The following CNTNAP5 variants were observed in gnomAD, a reference collection of about 807,000 sequenced individuals.
CNTNAP5 encodes the protein contactin-associated protein-like 5.
Under a neutral mutation model 150.2 loss-of-function variants are expected in CNTNAP5, and 72 were observed. The observed-to-expected ratio is 0.48, with a 90% CI of 0.40 to 0.58. The LOEUF (loss-of-function observed/expected upper bound fraction) is 0.58, where lower values mean the gene tolerates loss of function less well. Among genes scored for constraint, CNTNAP5 ranks in the 20% least tolerant of loss-of-function variants. CNTNAP5 has a pLI of 0.00. For synonymous variants in CNTNAP5, 672 were observed against 619.8 expected (o/e 1.08, Z -1.25); for missense variants, 1,636 against 1,626.2 (o/e 1.01, Z -0.10).
chr2:124,794,423 C>A (rs1307883500), intron 18 of CNTNAP5, among the ~76,000 whole-genome samples: 2 of 152,184 alleles, frequency 1.3e-5, no homozygotes, highest in Non-Finnish European at 2.9e-5. Context: ...TGTAAAGTCT[C>A]ACTAAATGCT....
chr2:124,802,850 C>T (rs923744620), intron 19 of CNTNAP5, among the ~76,000 whole-genome samples: 2 of 152,106 alleles, frequency 1.3e-5, no homozygotes, highest in Non-Finnish European at 2.9e-5. Flanking sequence ...ACTGGCCAGG[C>T]GCGGTGGCTC....
chr2:124,889,320 A>G (rs903327214), intron 21 of CNTNAP5, among the ~76,000 whole-genome samples: 2 of 151,644 alleles, frequency 1.3e-5, no homozygotes, highest in African/African-American at 4.8e-5. Context: ...CCAACTCCTG[A>G]CCTCAAGTTA....
Position 124,092,428 on chromosome 2 carries a change from C to T in CNTNAP5, c.82+66696C>T, listed in dbSNP as rs534962012. Among the ~76,000 whole-genome samples the T allele has an allele frequency of 2.0e-5, 3 of 152,284 alleles. 1 individual carries two copies. In the South Asian group the frequency reaches 6.2e-4, roughly 32 times the overall value. On this transcript the variant is annotated intron_variant, in intron 1 of 23. Transcript: ENST00000682447. ...CTTTAAAAGAGTAAACAAACATTCT[C>T]AGCCCGCAGGCTGTACACATATAGT...
At chr2:124,349,874 CTTTTTTT>C (rs70996061) in intron 3 of CNTNAP5, among the ~76,000 whole-genome samples, 9 of 81,826 alleles carry the variant, frequency 1.1e-4, no homozygotes, top group East Asian at 4.1e-4. Context: ...CTGGCTATTT[CTTTTTTT>C]TTTTTTTTTT....
At chr2:124,292,981 A>T (rs1438493838) in intron 3 of CNTNAP5, among the ~76,000 whole-genome samples, 2 of 152,090 alleles carry the variant, frequency 1.3e-5, no homozygotes, top group Non-Finnish European at 2.9e-5. Flanking sequence ...ATGAGGTAGT[A>T]GAGACAGAGC....
intron 1 of CNTNAP5, among the ~76,000 whole-genome samples, chr2:124,124,582 A>G (rs12465296): frequency 0.97 from 147,233 of 152,180 alleles, 71,373 homozygotes; most frequent in East Asian, 1. Context: ...GATACTCCTC[A>G]AGAAGAGCAA....
At chr2:124,148,112 C>G (rs1313752767) in intron 1 of CNTNAP5, among the ~76,000 whole-genome samples, 1 of 152,016 alleles carries the variant, frequency 6.6e-6, no homozygotes, top group Admixed American at 6.6e-5. Flanking sequence ...GGCTTATAAG[C>G]TACTTTATTA....
intron 3 of CNTNAP5, among the ~76,000 whole-genome samples, chr2:124,400,210 A>C (rs1691370471): frequency 6.6e-6 from 1 of 151,714 alleles, no homozygotes; most frequent in African/African-American, 2.4e-5. Flanking sequence ...TTAGGAGAAG[A>C]CTCTGCTCTC....
intron 11 of CNTNAP5, among the ~76,000 whole-genome samples, chr2:124,574,264 A>C (rs1696227390): frequency 6.6e-6 from 1 of 152,182 alleles, no homozygotes. Context: ...CAAGTCACTT[A>C]CTTTTTGTGA....
At chr2:124,809,953 G>A (rs1483777090) in intron 19 of CNTNAP5, among the ~76,000 whole-genome samples, 2 of 152,104 alleles carry the variant, frequency 1.3e-5, no homozygotes, top group African/African-American at 4.8e-5. Context: ...AGATGAATCA[G>A]GAGTCAGACA....
At chr2:124,305,159 G>C (rs1279140047) in intron 3 of CNTNAP5, among the ~76,000 whole-genome samples, 1 of 146,380 alleles carries the variant, frequency 6.8e-6, no homozygotes, top group Non-Finnish European at 1.5e-5. Context: ...CACACTTCTA[G>C]TTCCAGCTAC....
At position 124,242,333 on chromosome 2, in the gene CNTNAP5, C is replaced by T. The variant is rs1343518600; in HGVS notation, c.321C>T (p.Ser107=). 1 of 1,613,288 alleles carries T rather than the reference C, an allele frequency of 6.2e-7. No individual in the cohort carries two copies. Among genetic ancestry groups the T allele is most frequent in the African/African-American group, 1.3e-5 (1 of 74,988 alleles). The change falls in exon 3 of 24, where the codon AGC becomes AGT. Residue 107 remains serine, a synonymous_variant. Transcript: ENST00000682447. ...GCTCTGACTGGGTGACGAGTTACAG[C>T]CTGATGTTCAGTGACACAGGACGCA... The part of the protein sequence containing the change: ...YGSSDWVTSY[S]LMFSDTGRNW...
chr2:124,862,675 A>T (rs960794607), intron 19 of CNTNAP5, among the ~76,000 whole-genome samples: 2 of 152,210 alleles, frequency 1.3e-5, no homozygotes, highest in African/African-American at 4.8e-5. Flanking sequence ...TAACAAAGCC[A>T]CTGAAGAAGA....
At chr2:124,638,670 C>G (rs1006008823) in intron 12 of CNTNAP5, among the ~76,000 whole-genome samples, 4 of 152,174 alleles carry the variant, frequency 2.6e-5, no homozygotes, top group Non-Finnish European at 4.4e-5. Flanking sequence ...CTATTGCCTT[C>G]ATCTTGTTCT....
At chr2:124,390,165 C>T in intron 3 of CNTNAP5, among the ~76,000 whole-genome samples, 1 of 152,116 alleles carries the variant, frequency 6.6e-6, no homozygotes, top group East Asian at 1.9e-4. Context: ...AAGGGCTAGA[C>T]CCTCTCCCTG....
At chr2:124,268,420 G>A (rs960879866) in intron 3 of CNTNAP5, among the ~76,000 whole-genome samples, 2 of 152,132 alleles carry the variant, frequency 1.3e-5, no homozygotes, top group African/African-American at 2.4e-5. Context: ...TGGAAGGATC[G>A]TGTTCATAGA....
chr2:124,856,599 G>A (rs557578411), intron 19 of CNTNAP5, among the ~76,000 whole-genome samples: 2 of 152,194 alleles, frequency 1.3e-5, no homozygotes, highest in South Asian at 2.1e-4. Flanking sequence ...GTGATGTTGA[G>A]CATTTTATTT....
chr2:124,124,625 G>T (rs1279286167), intron 1 of CNTNAP5, among the ~76,000 whole-genome samples: 1 of 152,118 alleles, frequency 6.6e-6, no homozygotes, highest in African/African-American at 2.4e-5. Context: ...ATTCACCAAA[G>T]TTGAAATGAA....
intron 1 of CNTNAP5, among the ~76,000 whole-genome samples, chr2:124,181,603 T>C (rs935978725): frequency 5.3e-5 from 8 of 152,190 alleles, no homozygotes; most frequent in African/African-American, 1.9e-4. Flanking sequence ...ATGAAAATTG[T>C]TCTGCACTAA....
Sources: gnomAD v4.1 joint callset for allele counts (sites outside exome capture counted in the v4.1 genomes callset) on GRCh38, gnomAD v4.1.1 for gene constraint, MANE v1.5 for transcripts, NCBI Gene and HGNC (gene_info 2026-07-23, HGNC 2026-07-21) for gene names.